The following NSUN6 variants were observed in gnomAD, a reference collection of about 807,000 sequenced individuals.
NSUN6 encodes tRNA (cytosine(72)-C(5))-methyltransferase NSUN6.
A neutral mutation model predicts 58.0 loss-of-function variants in NSUN6; 64 were observed. That is an observed-to-expected ratio of 1.10 (90% CI 0.90 to 1.36). NSUN6 has a LOEUF of 1.36. NSUN6 is among the 40% of genes most tolerant of loss of function. NSUN6 has a pLI of 0.00. For missense variants in NSUN6, 701 were observed against 550.1 expected, an observed-to-expected ratio of 1.27 and a Z score of -2.74; for synonymous variants, 231 against 193.9, an observed-to-expected ratio of 1.19 and a Z score of -1.59.
At chr10:18,647,309 G>A (rs1245592943) in intron 2 of NSUN6, among the ~76,000 whole-genome samples, 1 of 152,138 alleles carries the variant, frequency 6.6e-6, no homozygotes, top group African/African-American at 2.4e-5. Flanking sequence ...TTTTAACTCA[G>A]ACACAAATAA....
chr10:18,556,896 T>A (rs1180383544), intron 8 of NSUN6, among the ~76,000 whole-genome samples: 5 of 140,340 alleles, frequency 3.6e-5, no homozygotes, highest in Admixed American at 1.5e-4. Context: ...GGGAATGGAA[T>A]GGAAAATGGA....
chr10:18,589,838 A>T (rs2057310638), intron 7 of NSUN6, among the ~76,000 whole-genome samples: 1 of 152,244 alleles, frequency 6.6e-6, no homozygotes. Flanking sequence ...CACTATGAAG[A>T]AACTGCATCA....
chr10:18,550,954 G>C (rs1790249961), intron 9 of NSUN6, among the ~76,000 whole-genome samples: 1 of 152,066 alleles, frequency 6.6e-6, no homozygotes, highest in Admixed American at 6.6e-5. Context: ...TCGAACTCCT[G>C]ACCTCAGGTG....
intron 8 of NSUN6, among the ~76,000 whole-genome samples, chr10:18,578,576 AG>A (rs2056769279): frequency 6.6e-6 from 1 of 152,108 alleles, no homozygotes; most frequent in African/African-American, 2.4e-5. Flanking sequence ...CGTTGCTTAC[AG>A]CCCCCCAACA....
chr10:18,648,065 AC>A (rs1229998505), intron 2 of NSUN6, among the ~76,000 whole-genome samples: 2 of 152,114 alleles, frequency 1.3e-5, no homozygotes, highest in African/African-American at 4.8e-5. Flanking sequence ...ATGTCAATTA[AC>A]AATATAATCT....
At chr10:18,625,880 G>C (rs1043077468) in intron 3 of NSUN6, among the ~76,000 whole-genome samples, 17 of 151,982 alleles carry the variant, frequency 1.1e-4, no homozygotes, top group African/African-American at 3.9e-4. Flanking sequence ...TTTTTGGTGG[G>C]CCTTAGATTT....
At chr10:18,575,112 C>T (rs2056584046) in intron 8 of NSUN6, among the ~76,000 whole-genome samples, 2 of 152,034 alleles carry the variant, frequency 1.3e-5, no homozygotes, top group Admixed American at 1.3e-4. Context: ...TTGTCTAAAC[C>T]CCTTATGAGG....
chr10:18,619,839 C>T (rs1358763833), intron 3 of NSUN6, among the ~76,000 whole-genome samples: 3 of 152,098 alleles, frequency 2.0e-5, no homozygotes, highest in Non-Finnish European at 4.4e-5. Flanking sequence ...GTTTTTATAT[C>T]ATTTGAGATC....
intron 6 of NSUN6, among the ~76,000 whole-genome samples, chr10:18,600,641 C>T (rs2057767927): frequency 6.6e-6 from 1 of 151,116 alleles, no homozygotes; most frequent in Non-Finnish European, 1.5e-5. Flanking sequence ...GAAGAGACTA[C>T]TACCTGGCCG....
chr10:18,555,352 TATGGAGAATGGAATGGA>T (rs1164093941), intron 8 of NSUN6, among the ~76,000 whole-genome samples: 2 of 124,472 alleles, frequency 1.6e-5, no homozygotes, highest in Admixed American at 7.8e-5. Context: ...AATGGAATGG[TATGGAGAATGGAATGGA>T]ATGGAGAATG....
intron 8 of NSUN6, among the ~76,000 whole-genome samples, chr10:18,567,406 T>C (rs931387452): frequency 2.0e-5 from 3 of 150,718 alleles, no homozygotes; most frequent in African/African-American, 7.3e-5. Flanking sequence ...TCTCCATCAT[T>C]GCATTTCATG....
At chr10:18,619,953 CT>C (rs34243755) in intron 3 of NSUN6, among the ~76,000 whole-genome samples, 11 of 151,120 alleles carry the variant, frequency 7.3e-5, no homozygotes, top group Admixed American at 1.3e-4. Context: ...TAAAACATCC[CT>C]TTTTTTTTAA....
At chr10:18,659,314 A>C, upstream of NSUN6, 1 of 312,900 alleles carries the variant, frequency 3.2e-6, no homozygotes, top group Non-Finnish European at 5.9e-6. Flanking sequence ...GCTTCCGGCG[A>C]TGGGTGGTCC....
At chr10:18,588,567 C>A (rs938547920) in intron 7 of NSUN6, among the ~76,000 whole-genome samples, 1 of 152,330 alleles carries the variant, frequency 6.6e-6, no homozygotes, top group African/African-American at 2.4e-5. Flanking sequence ...TCAGATGAAG[C>A]TTCCAGAGGA....
intron 6 of NSUN6, among the ~76,000 whole-genome samples, chr10:18,601,118 A>G (rs983737815): frequency 6.6e-6 from 1 of 150,998 alleles, no homozygotes; most frequent in Non-Finnish European, 1.5e-5. Context: ...CATTCAAGAA[A>G]CCGTATCAGT....
rs1431677616 is a variant in NSUN6, at chr10:18,624,607, C to A, written c.312-8314G>T. Reference sequence around the variant, plus strand: ...TAGAGCTTGCAGTGAGAGCTCCTGGCACTGAACTTCAGCCTGGGAGACAGA... The same window carrying A: ...TAGAGCTTGCAGTGAGAGCTCCTGGAACTGAACTTCAGCCTGGGAGACAGA... On this transcript the variant is annotated intron_variant, in intron 3 of 10. Transcript: ENST00000377304. Among the ~76,000 whole-genome samples the A allele has an allele frequency of 2.5e-5, 3 of 119,902 alleles. No homozygotes were observed. The Admixed American group carries it at 3.2e-4, about 13-fold the overall frequency. The allele number at this position is 119,902 out of a possible 152,430, so 78.7% of individuals were successfully genotyped here. A position where few individuals can be genotyped will look rare whatever the true frequency, so the allele number is the denominator to read the frequency against.
At chr10:18,565,322 C>T (rs902634273) in intron 8 of NSUN6, among the ~76,000 whole-genome samples, 1 of 150,594 alleles carries the variant, frequency 6.6e-6, no homozygotes, top group African/African-American at 2.4e-5. Context: ...CCATTCCATT[C>T]TCCATTCCAT....
chr10:18,545,797 A>T lies in NSUN6; in HGVS notation c.*136T>A. The stretch of plus-strand genomic sequence containing the variant: ...CCTCTATGTCTCTGGATCCCTGGTA[A>T]AACAGCTGGCAGCCTTTTCTGTTTC... On this transcript the variant is annotated 3_prime_UTR_variant, in exon 11 of 11. Coordinates refer to ENST00000377304, the MANE Select transcript of NSUN6 (RefSeq NM_182543.5). 1.5e-6 allele frequency: 1 copy of T among 655,584 alleles called. No individual in the cohort carries two copies. Among genetic ancestry groups the T allele is most frequent in the Non-Finnish European group, 2.7e-6 (1 of 376,224 alleles). The allele number at this position is 655,584 out of a possible 1,614,324, so 40.6% of individuals were successfully genotyped here.
chr10:18,651,291 T>A lies in NSUN6; in HGVS notation c.-88A>T. 1 of 1,460,376 alleles carries A rather than the reference T, an allele frequency of 6.8e-7. No individual in the cohort carries two copies. Among genetic ancestry groups the A allele is most frequent in the Non-Finnish European group, 9.0e-7 (1 of 1,113,516 alleles). 90.5% of individuals were successfully genotyped at this position (1,460,376 alleles called of 1,614,324 possible). ...TTCTTTCCGAATTAATAGTGACGAG[T>A]GTCTTGACACCAGATGCTGAGGAAA... On this transcript the variant is annotated 5_prime_UTR_variant, in exon 1 of 11. Transcript: ENST00000377304.
Sources: gnomAD v4.1 joint callset for allele counts (sites outside exome capture counted in the v4.1 genomes callset) on GRCh38, gnomAD v4.1.1 for gene constraint, MANE v1.5 for transcripts, NCBI Gene and HGNC (gene_info 2026-07-23, HGNC 2026-07-21) for gene names.